UTP20: variants seen among roughly 807,000 people sequenced by gnomAD.
UTP20 encodes the protein UTP20 small subunit processome component, also known as small subunit processome component 20 homolog.
A neutral mutation model predicts 329.5 loss-of-function variants in UTP20; 164 were observed. The ratio of observed to expected loss-of-function variants is 0.50; its 90% CI spans 0.44 to 0.57. UTP20 has a LOEUF of 0.57. UTP20 is among the 20% of genes least tolerant of loss of function. UTP20 has a pLI of 0.00. For synonymous variants in UTP20, 1,151 were observed against 1,159.3 expected, an observed-to-expected ratio of 0.99 and a Z score of 0.14; for missense variants, 3,055 against 3,284.2, an observed-to-expected ratio of 0.93 and a Z score of 1.71.
At chr12:101,285,488 T>C in intron 2 of UTP20, 82 bp from the exon 3 acceptor site, 1 of 1,418,552 alleles carries the variant, frequency 7.0e-7, no homozygotes, top group South Asian at 1.2e-5. Flanking sequence ...TGTCTTAAGA[T>C]ATTAATATAT....
At position 101,333,866 on chromosome 12, in the gene UTP20, G is replaced by A. The variant is rs566617499; in HGVS notation, c.3561+422G>A. On this transcript the variant is annotated intron_variant, in intron 28 of 61. Transcript: ENST00000261637. ...TTTAGTAGAGATGGAGTTTCGCCAT[G>A]TTGGCCAGGCTGGTCTTGAACTCCT... 3.9e-5 allele frequency among the ~76,000 whole-genome samples: 6 copies of A among 152,334 alleles called. No homozygotes were observed. The South Asian group carries it at 1.2e-3, about 32-fold the overall frequency.
rs1478629957 is a variant in UTP20 at position 101,338,079 on chromosome 12, C to G, written c.3670C>G (p.Pro1224Ala). The G allele has an allele frequency of 6.2e-7, 1 of 1,613,994 alleles. No homozygotes were observed. Among genetic ancestry groups the G allele is most frequent in the African/African-American group, 1.3e-5 (1 of 74,916 alleles). Residue 1224 changes from proline (P) to alanine (A), a missense_variant, in exon 30 of 62, where the codon CCT (proline) becomes GCT (alanine). Pro to Ala is a conservative substitution (Grantham distance 27, BLOSUM62 -1). This residue lies in a region of UTP20 where 2,445 missense variants were observed against 2,575.5 expected (regional missense o/e 0.95). Transcript: ENST00000261637. Reference sequence around the variant, plus strand: ...TTTCCCTTTGCTGGCTAAACAGAAGCCTGGGCACCCAGAATGTGATATCCT... The same window carrying G: ...TTTCCCTTTGCTGGCTAAACAGAAGGCTGGGCACCCAGAATGTGATATCCT... Reference protein sequence around the residue: ...RYFPLLAKQKPGHPECDILTN... With the variant: ...RYFPLLAKQKAGHPECDILTN...
At position 101,299,732 on chromosome 12, in the gene UTP20, T is replaced by C. The variant is rs555637284; in HGVS notation, c.1481T>C (p.Phe494Ser). ...AGATCCAAGGGAAGAAACGAACAGT[T>C]TCCAGTATTGGACCATCTTTTATCT... ...KTRSKGRNEQFPVLDHLLSII... is the reference protein window; with the variant it reads ...KTRSKGRNEQSPVLDHLLSII... The change falls in exon 13 of 62, where the codon TTT (phenylalanine) becomes TCT (serine). Residue 494 changes from phenylalanine to serine, a missense_variant. By Grantham distance (155) the Phe-to-Ser change is radical. Transcript: ENST00000261637. 1 of 1,610,510 alleles carries C rather than the reference T, an allele frequency of 6.2e-7. No individual in the cohort carries two copies. The highest frequency in any genetic ancestry group is 1.7e-5 in the Admixed American group (1 of 59,356).
chr12:101,289,103 G>T, intron 6 of UTP20, 62 bp downstream of exon 6: 1 of 1,444,302 alleles, frequency 6.9e-7, no homozygotes. Flanking sequence ...TAGGCCAGGC[G>T]TGGTGGCTCA....
chr12:101,355,716 C>A (rs1179349630), intron 41 of UTP20, among the ~76,000 whole-genome samples: 9 of 152,012 alleles, frequency 5.9e-5, no homozygotes, highest in Middle Eastern at 3.4e-3. Flanking sequence ...TACTATATGG[C>A]CTTGTTCAGA....
At position 101,333,904 on chromosome 12, in the gene UTP20, T is replaced by C. The variant is rs1868845855; in HGVS notation, c.3561+460T>C. Among the ~76,000 whole-genome samples the C allele has an allele frequency of 2.0e-5, 3 of 152,246 alleles. No homozygotes were observed. In the South Asian group the frequency reaches 6.2e-4, roughly 31 times the overall value. On this transcript the variant is annotated intron_variant, in intron 28 of 61. Transcript: ENST00000261637. The stretch of plus-strand genomic sequence containing the variant: ...GTCTTGAACTCCTGACCTCAGGTGA[T>C]CCGCCTGCCTTGGCCTCCCAAAGTG...
chr12:101,282,235 A>G (rs1593414271), intron 2 of UTP20, among the ~76,000 whole-genome samples: 1 of 152,144 alleles, frequency 6.6e-6, no homozygotes, highest in East Asian at 1.9e-4. Context: ...TTGAGAACTC[A>G]TAGTAAAGGG....
intron 29 of UTP20, among the ~76,000 whole-genome samples, chr12:101,336,241 G>T (rs908050862): frequency 1.3e-5 from 2 of 152,132 alleles, no homozygotes; most frequent in African/African-American, 2.4e-5. Context: ...GTTGTGTGTG[G>T]AAGAACGAAT....
At chr12:101,317,733 C>T in intron 22 of UTP20, 70 bp downstream of exon 22, 2 of 1,434,044 alleles carry the variant, frequency 1.4e-6, no homozygotes, top group East Asian at 5.0e-5. Flanking sequence ...TCTCTTACGG[C>T]TTTATACAAA....
intron 54 of UTP20, among the ~76,000 whole-genome samples, chr12:101,374,200 A>T (rs1870398195): frequency 6.6e-6 from 1 of 150,892 alleles, no homozygotes; most frequent in East Asian, 1.9e-4. Flanking sequence ...CCGCCACTGC[A>T]CTCCAGCCTG....
rs202137878 is a variant in UTP20, at chr12:101,333,267, T to A, written c.3418-34T>A. 1.9e-6 allele frequency: 3 copies of A among 1,602,072 alleles called. No homozygotes were observed. The East Asian group carries it at 6.7e-5, about 36-fold the overall frequency. On this transcript the variant is annotated intron_variant, in intron 27 of 61. Coordinates refer to ENST00000261637, the MANE Select transcript of UTP20 (RefSeq NM_014503.3). ...GAATCAGGGATAAAAATGATACATA[T>A]GTATTTTTTGAACAGAAGATCTTTG...
intron 54 of UTP20, 120 bp downstream of exon 54, chr12:101,373,887 G>A: frequency 8.7e-7 from 1 of 1,151,202 alleles, no homozygotes; most frequent in African/African-American, 1.6e-5. Flanking sequence ...TGTTATTTTT[G>A]TCTGATTATG....
rs1565791015 is a variant in UTP20 at position 101,312,291 on chromosome 12, C to T, written c.2552+15C>T. The T allele has an allele frequency of 8.7e-6, 14 of 1,612,980 alleles. No homozygotes were observed. The highest frequency in any genetic ancestry group is 1.3e-5 in the African/African-American group (1 of 74,996). ...AGATTTATCAAGTAAGTTTCCTCTTCTAAGAATATGTCCCTGGTGGGGCAT... is the reference window on the plus strand; with the variant it reads ...AGATTTATCAAGTAAGTTTCCTCTTTTAAGAATATGTCCCTGGTGGGGCAT... On this transcript the variant is annotated intron_variant, in intron 21 of 61. Coordinates refer to ENST00000261637, the MANE Select transcript of UTP20 (RefSeq NM_014503.3).
chr12:101,331,850 T>G (rs946561430), intron 27 of UTP20, among the ~76,000 whole-genome samples: 5 of 151,916 alleles, frequency 3.3e-5, no homozygotes, highest in Admixed American at 6.5e-5. Context: ...ACTAATCAAG[T>G]GGGAAAACAA....
Position 101,305,918 on chromosome 12 carries a change from C to G in UTP20, c.1785C>G (p.Thr595=). ...TCTAATGAACATCTCGTTGCAGAAC[C>G]TTTCCCCTGGAGCCATCTGTGTTGC... is the stretch of plus-strand genomic sequence containing the variant. ...PVERVKNLVL[T]FPLEPSVLLL... is the part of the protein sequence containing the mutation. The change falls in exon 16 of 62, where the codon ACC becomes ACG. Residue 595 remains threonine, a synonymous_variant. Transcript: ENST00000261637. 6.3e-7 allele frequency: 1 copy of G among 1,599,674 alleles called. No individual in the cohort carries two copies. Among genetic ancestry groups the G allele is most frequent in the Non-Finnish European group, 8.5e-7 (1 of 1,171,596 alleles).
intron 8 of UTP20, chr12:101,291,163 T>C: frequency 3.5e-6 from 1 of 284,196 alleles, no homozygotes; most frequent in Non-Finnish European, 6.4e-6. Flanking sequence ...GAAAATTATT[T>C]GAAATCTCGA....
At chr12:101,326,110 A>G (rs913978598) in intron 25 of UTP20, among the ~76,000 whole-genome samples, 1 of 152,208 alleles carries the variant, frequency 6.6e-6, no homozygotes, top group African/African-American at 2.4e-5. Context: ...GAGTTCATCA[A>G]GTTTGTTGAA....
At position 101,355,801 on chromosome 12, in the gene UTP20, A is replaced by G. The variant is rs1004523314; in HGVS notation, c.5394+683A>G. On this transcript the variant is annotated intron_variant, in intron 41 of 61. Transcript: ENST00000261637. ...TTGTAAATATTTATTTATATTTTGT[A>G]TATTTGTAATACAAATTTATATATT... 6.6e-5 allele frequency among the ~76,000 whole-genome samples: 10 copies of G among 152,210 alleles called. 1 individual carries two copies. Among genetic ancestry groups the G allele is most frequent in the Admixed American group, 6.5e-4 (10 of 15,300 alleles).
chr12:101,382,948 T>C (rs1436316683), intron 58 of UTP20, 93 bp from the exon 59 acceptor site: 3 of 1,452,202 alleles, frequency 2.1e-6, no homozygotes, highest in Non-Finnish European at 2.8e-6. Flanking sequence ...GTTTTCTAAT[T>C]GTAGAATACC....
Sources: gnomAD v4.1 joint callset for allele counts (sites outside exome capture counted in the v4.1 genomes callset) on GRCh38, gnomAD v4.1.1 for gene constraint, gnomAD v4.1.1 regional missense constraint, MANE v1.5 for transcripts, NCBI Gene and HGNC (gene_info 2026-07-23, HGNC 2026-07-21) for gene names.